The following CSMD1 variants were observed in gnomAD, a reference collection of about 807,000 sequenced individuals.
The protein encoded by CSMD1 is CUB and Sushi multiple domains 1.
A neutral mutation model predicts 417.5 loss-of-function variants in CSMD1; 213 were observed. The ratio of observed to expected loss-of-function variants is 0.51; its 90% CI spans 0.46 to 0.57. CSMD1 has a LOEUF of 0.57. Ranked by LOEUF, CSMD1 falls within the 20% of genes least tolerant of loss-of-function variation. The probability of loss-of-function intolerance (pLI) is 0.00; values close to 1 mark genes in which losing one functional copy is unlikely to be tolerated. For synonymous variants in CSMD1, 2,862 were observed against 1,736.8 expected (o/e 1.65, Z -16.11); for missense variants, 6,923 against 4,529.7 (o/e 1.53, Z -15.17).
chr8:3,747,749 A>G (rs1797130364), intron 6 of CSMD1, among the ~76,000 whole-genome samples: 1 of 152,276 alleles, frequency 6.6e-6, no homozygotes, highest in South Asian at 2.1e-4. Context: ...ACAGTTTTCT[A>G]AAACGGTCGT....
At chr8:3,091,491 T>G (rs752990506) in intron 48 of CSMD1, 25 bp downstream of exon 48, 4 of 1,548,784 alleles carry the variant, frequency 2.6e-6, no homozygotes, top group Non-Finnish European at 3.5e-6. Context: ...TACTTTCATA[T>G]AAAATCTAAA....
chr8:3,536,151 C>A (rs1482587056), intron 10 of CSMD1, among the ~76,000 whole-genome samples: 2 of 152,218 alleles, frequency 1.3e-5, no homozygotes, highest in African/African-American at 2.4e-5. Context: ...CATCAACTGT[C>A]ATTACATAGG....
intron 3 of CSMD1, among the ~76,000 whole-genome samples, chr8:4,268,900 A>T (rs1242961679): frequency 6.6e-6 from 1 of 152,200 alleles, no homozygotes; most frequent in African/African-American, 2.4e-5. Flanking sequence ...AATGCATCAT[A>T]TACTCATCAA....
At chr8:4,617,664 G>C (rs991365606) in intron 2 of CSMD1, among the ~76,000 whole-genome samples, 2 of 152,162 alleles carry the variant, frequency 1.3e-5, no homozygotes, top group African/African-American at 4.8e-5. Context: ...AAGTCTCATT[G>C]TTTAGGTTTC....
At chr8:3,478,697 C>T (rs1817565739) in intron 11 of CSMD1, among the ~76,000 whole-genome samples, 1 of 152,160 alleles carries the variant, frequency 6.6e-6, no homozygotes, top group South Asian at 2.1e-4. Context: ...CGTCTGACTA[C>T]CAGACTACGC....
At chr8:3,812,290 T>C (rs1207962201) in intron 5 of CSMD1, among the ~76,000 whole-genome samples, 2 of 152,348 alleles carry the variant, frequency 1.3e-5, no homozygotes, top group Non-Finnish European at 2.9e-5. Flanking sequence ...GTGGGGACTC[T>C]AATCTCACAG....
intron 5 of CSMD1, among the ~76,000 whole-genome samples, chr8:3,785,716 G>T (rs761233580): frequency 6.6e-6 from 1 of 152,176 alleles, no homozygotes; most frequent in Non-Finnish European, 1.5e-5. Context: ...CTACCAAGAA[G>T]TGAGAGGCCC....
chr8:4,908,024 C>A (rs902281775), intron 1 of CSMD1, among the ~76,000 whole-genome samples: 4 of 147,426 alleles, frequency 2.7e-5, no homozygotes, highest in Admixed American at 6.6e-5. Context: ...AAAATAATTA[C>A]TTTTCTTCTG....
intron 2 of CSMD1, among the ~76,000 whole-genome samples, chr8:4,450,400 G>A (rs938904844): frequency 1.3e-5 from 2 of 152,156 alleles, no homozygotes; most frequent in Non-Finnish European, 2.9e-5. Flanking sequence ...GGCTGAGGCA[G>A]GCGGATCAGC....
chr8:4,383,552 A>G (rs1219769527), intron 3 of CSMD1, among the ~76,000 whole-genome samples: 1 of 152,174 alleles, frequency 6.6e-6, no homozygotes, highest in Non-Finnish European at 1.5e-5. Flanking sequence ...TACCAGAAGC[A>G]TTTATAAACC....
chr8:4,075,602 G>A (rs754109638), intron 3 of CSMD1, among the ~76,000 whole-genome samples: 9 of 152,116 alleles, frequency 5.9e-5, no homozygotes, highest in Non-Finnish European at 1.3e-4. Context: ...GTTCTGCATA[G>A]CGGAGTTAAT....
chr8:3,247,848 C>T (rs1309259777), intron 26 of CSMD1, among the ~76,000 whole-genome samples: 1 of 152,172 alleles, frequency 6.6e-6, no homozygotes, highest in Non-Finnish European at 1.5e-5. Context: ...TAGGCAATGT[C>T]AATAATTCAC....
Position 4,455,785 on chromosome 8 carries a change from G to A in CSMD1, c.303-35720C>T, listed in dbSNP as rs572174552. 2.5e-3 allele frequency among the ~76,000 whole-genome samples: 380 copies of A among 151,082 alleles called. 1 individual carries two copies. Among genetic ancestry groups the A allele is most frequent in the African/African-American group, 8.8e-3 (364 of 41,196 alleles). ...GTCTCTACTAAAAATACAAAAATTC[G>A]CTGGATGTGGTGGCATGTGCCTGGA... On this transcript the variant is annotated intron_variant, in intron 2 of 69. Coordinates refer to ENST00000635120, the MANE Select transcript of CSMD1 (RefSeq NM_033225.6).
chr8:3,698,356 C>G (rs1033940650), intron 7 of CSMD1, among the ~76,000 whole-genome samples: 8 of 152,180 alleles, frequency 5.3e-5, no homozygotes, highest in African/African-American at 1.7e-4. Flanking sequence ...TTGCAAAACT[C>G]CATTATTACA....
chr8:4,829,030 A>C (rs1799987464), intron 1 of CSMD1, among the ~76,000 whole-genome samples: 1 of 152,184 alleles, frequency 6.6e-6, no homozygotes, highest in African/African-American at 2.4e-5. Context: ...ATACATTATG[A>C]TATTGAAAAG....
intron 3 of CSMD1, among the ~76,000 whole-genome samples, chr8:4,192,496 A>G (rs77903304): frequency 0.011 from 1,643 of 152,102 alleles, 22 homozygotes; most frequent in African/African-American, 0.036. Flanking sequence ...CACATAAACT[A>G]AAGCCCGTTT....
chr8:3,941,128 T>C (rs185765935), intron 5 of CSMD1, among the ~76,000 whole-genome samples: 137 of 152,194 alleles, frequency 9.0e-4, no homozygotes, highest in African/African-American at 3.1e-3. Context: ...AACTCATATG[T>C]ATACAGTTAA....
intron 5 of CSMD1, among the ~76,000 whole-genome samples, chr8:3,793,848 A>G (rs1014639489): frequency 2.0e-5 from 3 of 152,126 alleles, no homozygotes; most frequent in Non-Finnish European, 4.4e-5. Context: ...GAATCACTCA[A>G]TAAATATTGA....
intron 2 of CSMD1, among the ~76,000 whole-genome samples, chr8:4,605,832 G>A (rs984766488): frequency 1.3e-5 from 2 of 152,276 alleles, no homozygotes; most frequent in Non-Finnish European, 2.9e-5. Context: ...GGTGGACAAG[G>A]GTTCGTGTTC....
Sources: allele counts gnomAD v4.1 joint callset (sites outside exome capture counted in the v4.1 genomes callset), GRCh38; gene constraint gnomAD v4.1.1; transcripts MANE v1.5; gene names NCBI Gene and HGNC (gene_info 2026-07-23, HGNC 2026-07-21).